Variants in PCDHA9 observed in about 807,000 individuals in gnomAD.
PCDHA9 encodes protocadherin alpha 9.
PCDHA9 carries 62 observed loss-of-function variants against 62.0 expected under a neutral mutation model. That is an observed-to-expected ratio of 1.00 (90% CI 0.81 to 1.23). PCDHA9 has a LOEUF of 1.23. PCDHA9 is among the 50% of genes most tolerant of loss of function. The pLI, the probability that PCDHA9 is intolerant of heterozygous loss-of-function variation, is 0.00. For synonymous variants in PCDHA9, 557 were observed against 567.6 expected (o/e 0.98, Z 0.27); for missense variants, 1,205 against 1,249.8 (o/e 0.96, Z 0.54).
At chr5:140,974,856 C>G (rs2096643713) in intron 1 of PCDHA9, among the ~76,000 whole-genome samples, 1 of 152,104 alleles carries the variant, frequency 6.6e-6, no homozygotes, top group African/African-American at 2.4e-5. Context: ...TTCCCTTTTG[C>G]CTTAATGCGG....
chr5:140,862,867 C>A (rs1562571529), intron 1 of PCDHA9: 4 of 70,810 alleles, frequency 5.6e-5, no homozygotes, highest in Non-Finnish European at 9.2e-5. Context: ...TGTGACGCTG[C>A]CAGGTATTAG....
intron 1 of PCDHA9, chr5:140,871,109 T>C: frequency 1.9e-6 from 3 of 1,613,236 alleles, no homozygotes; most frequent in Non-Finnish European, 2.5e-6. Context: ...GTGTCGTTGG[T>C]GGAGAGCGGA....
intron 2 of PCDHA9, among the ~76,000 whole-genome samples, chr5:140,981,892 G>A (rs1245605619): frequency 2.0e-5 from 3 of 152,122 alleles, no homozygotes; most frequent in Non-Finnish European, 2.9e-5. Flanking sequence ...TCTTCTGAGC[G>A]GGGATCTGTG....
intron 1 of PCDHA9, among the ~76,000 whole-genome samples, chr5:140,918,211 C>T (rs1554198470): frequency 6.6e-6 from 1 of 152,046 alleles, no homozygotes; most frequent in African/African-American, 2.4e-5. Context: ...TGTTGGTGTA[C>T]AGAAATGCTG....
At chr5:141,007,329 TTGCCTGAGCTCAG>T (rs1554261175) in intron 3 of PCDHA9, among the ~76,000 whole-genome samples, 2 of 149,734 alleles carry the variant, frequency 1.3e-5, no homozygotes. Context: ...AGTGGACAGA[TTGCCTGAGCTCAG>T]GAGTTCGAGA....
intron 1 of PCDHA9, chr5:140,882,587 G>A (rs559310344): frequency 6.2e-7 from 1 of 1,614,256 alleles, no homozygotes; most frequent in East Asian, 2.2e-5. Flanking sequence ...CATCCACCTG[G>A]AGGTGATCGT....
Position 140,856,457 on chromosome 5 carries a change from C to T in PCDHA9, c.2394+5568C>T, listed in dbSNP as rs1383276232. On this transcript the variant is annotated intron_variant, in intron 1 of 3. Coordinates refer to ENST00000532602, the MANE Select transcript of PCDHA9 (RefSeq NM_031857.2). ...CCCGCCCAGGTTCTCCGTAACAGAACAAAAGCTCTCAATACCTGAATCCAG... is the reference window on the plus strand; with the variant it reads ...CCCGCCCAGGTTCTCCGTAACAGAATAAAAGCTCTCAATACCTGAATCCAG... 12 of 1,598,330 alleles carry T rather than the reference C, an allele frequency of 7.5e-6. 1 individual carries two copies. The highest frequency in any genetic ancestry group is 1.0e-5 in the Non-Finnish European group (12 of 1,167,902).
intron 1 of PCDHA9, chr5:140,858,828 A>G (rs546423783): frequency 8.8e-5 from 29 of 330,376 alleles, no homozygotes; most frequent in Middle Eastern, 1.8e-3. Flanking sequence ...TATTTGCATT[A>G]CCAAAAAATT....
At chr5:140,957,851 T>TG (rs2095389296) in intron 1 of PCDHA9, among the ~76,000 whole-genome samples, 1 of 136,014 alleles carries the variant, frequency 7.4e-6, no homozygotes. Flanking sequence ...AGAGTTTGTG[T>TG]ATTTTTTTTC....
At chr5:140,941,412 G>A (rs246068) in intron 1 of PCDHA9, among the ~76,000 whole-genome samples, 46,949 of 148,492 alleles carry the variant, frequency 0.32, 7,794 homozygotes, top group East Asian at 0.53. Context: ...CGCCTCCCGG[G>A]TTCAAGCAAT....
chr5:140,925,952 ACTG>A (rs1295981015), intron 1 of PCDHA9, among the ~76,000 whole-genome samples: 1 of 151,952 alleles, frequency 6.6e-6, no homozygotes, highest in Non-Finnish European at 1.5e-5. Flanking sequence ...AGAAGGAGAA[ACTG>A]CTATCACGCA....
At chr5:140,871,122 G>A (rs782184692) in intron 1 of PCDHA9, 2 of 1,613,344 alleles carry the variant, frequency 1.2e-6, no homozygotes, top group South Asian at 2.2e-5. Flanking sequence ...AGAGCGGACA[G>A]GCGCCAAAGG....
chr5:140,849,834 G>A lies in PCDHA9; in HGVS notation c.1339G>A (p.Asp447Asn). 1 of 1,598,606 alleles carries A rather than the reference G, an allele frequency of 6.3e-7. No homozygotes were observed. Among genetic ancestry groups the A allele is most frequent in the Admixed American group, 1.7e-5 (1 of 59,336 alleles). ...GGCCAGGGTGTCTGTGGAGGTGGCC[G>A]ACGTGAACGACAACGCACCAGCGTT... ...ATARVSVEVADVNDNAPAFAQ... is the reference protein window; with the variant it reads ...ATARVSVEVANVNDNAPAFAQ... Residue 447 changes from aspartate (D) to asparagine (N), a missense_variant, in exon 1 of 4, where the codon GAC becomes AAC. Physicochemically the swap from Asp to Asn is conservative, Grantham distance 23 (BLOSUM62 1). This residue lies in a region of PCDHA9 where 887 missense variants were observed against 809.5 expected (regional missense o/e 1.10). Transcript: ENST00000532602.
chr5:140,942,633 G>A (rs1554215141), intron 1 of PCDHA9, among the ~76,000 whole-genome samples: 1 of 151,496 alleles, frequency 6.6e-6, no homozygotes, highest in Admixed American at 6.6e-5. Context: ...AAAAAAAATG[G>A]CAAAAGAGAT....
intron 1 of PCDHA9, among the ~76,000 whole-genome samples, chr5:140,881,731 T>C (rs1457530470): frequency 6.6e-6 from 1 of 152,224 alleles, no homozygotes; most frequent in Non-Finnish European, 1.5e-5. Flanking sequence ...TGAAAAATAT[T>C]ACAGGAAGAG....
chr5:140,928,731 C>T, intron 1 of PCDHA9: 2 of 1,614,164 alleles, frequency 1.2e-6, no homozygotes, highest in Non-Finnish European at 1.7e-6. Context: ...GAATTTCAGC[C>T]AATATAGGTG....
At chr5:140,870,496 G>A in intron 1 of PCDHA9, 1 of 1,614,234 alleles carries the variant, frequency 6.2e-7, no homozygotes, top group Non-Finnish European at 8.5e-7. Flanking sequence ...GTTCGTGAAG[G>A]AGAACAACCC....
rs2150486474 is a variant in PCDHA9, at chr5:140,850,498, C to T, written c.2003C>T (p.Ser668Leu). The change falls in exon 1 of 4, where the codon TCG (serine) becomes TTG (leucine). Residue 668 changes from serine (S) to leucine (L), a missense_variant. Coordinates refer to ENST00000532602, the MANE Select transcript of PCDHA9 (RefSeq NM_031857.2). The part of the protein sequence containing the change: ...ALTATATVLV[S>L]LVESGQAPKS... ...ACGGCCACGGCCACTGTGCTGGTGTCGCTGGTGGAGAGCGGCCAGGCGCCA... is the reference window on the plus strand; with the variant it reads ...ACGGCCACGGCCACTGTGCTGGTGTTGCTGGTGGAGAGCGGCCAGGCGCCA... 30 of 1,598,138 alleles carry T rather than the reference C, an allele frequency of 1.9e-5. 3 individuals are homozygous for T. Among genetic ancestry groups the T allele is most frequent in the Non-Finnish European group, 2.6e-5 (30 of 1,167,764 alleles).
At chr5:140,865,590 T>G (rs1353926761) in intron 1 of PCDHA9, 3 of 152,234 alleles carry the variant, frequency 2.0e-5, no homozygotes, top group Non-Finnish European at 4.4e-5. Flanking sequence ...AAATCACCAT[T>G]GTTTGAGCAG....
Sources: gnomAD v4.1 joint callset for allele counts (sites outside exome capture counted in the v4.1 genomes callset) on GRCh38, gnomAD v4.1.1 for gene constraint, gnomAD v4.1.1 regional missense constraint, MANE v1.5 for transcripts, NCBI Gene and HGNC (gene_info 2026-07-23, HGNC 2026-07-21) for gene names.